GTF2H5: variants seen among roughly 807,000 people sequenced by gnomAD.
GTF2H5 encodes the protein TFB5 ortholog.
GTF2H5 carries 5 observed loss-of-function variants against 7.1 expected under a neutral mutation model. That is an observed-to-expected ratio of 0.71 (90% CI 0.37 to 1.49). The LOEUF (loss-of-function observed/expected upper bound fraction) is 1.49. GTF2H5 is among the 40% of genes most tolerant of loss of function. The pLI is 0.03. For synonymous variants in GTF2H5, 30 were observed against 31.7 expected (o/e 0.95, Z 0.18); for missense variants, 80 against 83.0 (o/e 0.96, Z 0.14).
intron 2 of GTF2H5, among the ~76,000 whole-genome samples, chr6:158,178,184 A>C (rs1554267904): frequency 6.6e-6 from 1 of 152,132 alleles, no homozygotes; most frequent in Non-Finnish European, 1.5e-5. Context: ...CCAACATTGT[A>C]AAAGCATTCC....
chr6:158,168,766 C>A (rs928193338), intron 1 of GTF2H5, among the ~76,000 whole-genome samples: 2 of 152,372 alleles, frequency 1.3e-5, no homozygotes, highest in Middle Eastern at 3.4e-3. Context: ...CCAGGAACTA[C>A]GGCTTAATCT....
chr6:158,197,317 C>A lies in GTF2H5; in HGVS notation c.*5160C>A. The A allele has an allele frequency of 5.2e-6, 1 of 192,350 alleles. No individual in the cohort carries two copies. Among genetic ancestry groups the A allele is most frequent in the Non-Finnish European group, 1.2e-5 (1 of 84,326 alleles). The allele number at this position is 192,350 out of a possible 1,614,324, so 11.9% of individuals were successfully genotyped here. A position where few individuals can be genotyped will look rare whatever the true frequency, so the allele number is the denominator to read the frequency against. Reference sequence around the variant, plus strand: ...CAGTCGTCATGCAAAATAGTCACTACTCATTCAAAAACTCTATAGTTGTCT... The same window carrying A: ...CAGTCGTCATGCAAAATAGTCACTAATCATTCAAAAACTCTATAGTTGTCT... On this transcript the variant is annotated 3_prime_UTR_variant, in exon 3 of 3. Transcript: ENST00000607778.
At chr6:158,169,751 A>AATATATTGTATATTATATATTATATATT (rs1562469429) in intron 1 of GTF2H5, among the ~76,000 whole-genome samples, 2 of 56,626 alleles carry the variant, frequency 3.5e-5, no homozygotes, top group Non-Finnish European at 6.2e-5. Flanking sequence ...TATATTATAT[A>AATATATTGTATATTATATATTATATATT]ATATATTGTA....
intron 2 of GTF2H5, among the ~76,000 whole-genome samples, chr6:158,186,216 T>C (rs1776918832): frequency 6.6e-6 from 1 of 152,216 alleles, no homozygotes; most frequent in African/African-American, 2.4e-5. Context: ...TTGAAAGCAT[T>C]GGTGTGATGA....
intron 2 of GTF2H5, among the ~76,000 whole-genome samples, chr6:158,175,024 G>GTGTGTGTGTGTGTGTGTGTGTATATA (rs1785912315): frequency 8.1e-6 from 1 of 124,058 alleles, no homozygotes; most frequent in African/African-American, 4.6e-5. Context: ...GTGTGTGTGT[G>GTGTGTGTGTGTGTGTGTGTGTATATA]TGTGTGTGTG....
chr6:158,170,588 G>C, intron 2 of GTF2H5, 50 bp downstream of exon 2: 1 of 1,238,228 alleles, frequency 8.1e-7, no homozygotes, highest in African/African-American at 1.5e-5. Flanking sequence ...ATTGAATCTT[G>C]ACTTGTATGT....
rs1777068162 is a variant in GTF2H5, at chr6:158,193,980, C to A, written c.*1823C>A. The A allele has an allele frequency of 7.6e-6, 1 of 130,844 alleles. No individual in the cohort carries two copies. 8.1% of individuals were successfully genotyped at this position (130,844 alleles called of 1,614,324 possible). A position where few individuals can be genotyped will look rare whatever the true frequency, so the allele number is the denominator to read the frequency against. ...CTCCAGCCTGGGCGACAGAGGGAGACTCCATCTCAAAAAAAAAAAAAAAAA... is the reference window on the plus strand; with the variant it reads ...CTCCAGCCTGGGCGACAGAGGGAGAATCCATCTCAAAAAAAAAAAAAAAAA... On this transcript the variant is annotated 3_prime_UTR_variant, in exon 3 of 3. Transcript: ENST00000607778.
At chr6:158,175,616 T>G (rs1003930601) in intron 2 of GTF2H5, among the ~76,000 whole-genome samples, 57 of 152,066 alleles carry the variant, frequency 3.7e-4, no homozygotes, top group Non-Finnish European at 1.3e-4. Flanking sequence ...ATACAAAAAT[T>G]AGCTGGGCAT....
At chr6:158,176,103 A>G (rs761542949) in intron 2 of GTF2H5, among the ~76,000 whole-genome samples, 1 of 152,198 alleles carries the variant, frequency 6.6e-6, no homozygotes, top group African/African-American at 2.4e-5. Flanking sequence ...CAATTAATCA[A>G]TTGCTCAGTT....
rs1777155017 is a variant in GTF2H5 at position 158,199,020 on chromosome 6, C to T, written c.*6863C>T. ...TGTTTTCTTCAGAAATTTGTTAATT[C>T]TCCATGATTAGCACCTTTATGTGGT... is the stretch of plus-strand genomic sequence containing the variant. On this transcript the variant is annotated 3_prime_UTR_variant, in exon 3 of 3. Transcript: ENST00000607778. 1 of 152,144 alleles carries T rather than the reference C, an allele frequency of 6.6e-6. No homozygotes were observed. The highest frequency in any genetic ancestry group is 2.4e-5 in the African/African-American group (1 of 41,442). 9.4% of individuals were successfully genotyped at this position (152,144 alleles called of 1,614,324 possible). A position where few individuals can be genotyped will look rare whatever the true frequency, so the allele number is the denominator to read the frequency against.
At chr6:158,169,511 A>G (rs1785751012) in intron 1 of GTF2H5, among the ~76,000 whole-genome samples, 1 of 79,672 alleles carries the variant, frequency 1.3e-5, no homozygotes, top group Non-Finnish European at 2.2e-5. Flanking sequence ...AATATATTGT[A>G]TATTATATAT....
chr6:158,169,459 A>G (rs1562468182), intron 1 of GTF2H5, among the ~76,000 whole-genome samples: 2 of 64,204 alleles, frequency 3.1e-5, no homozygotes, highest in Non-Finnish European at 5.1e-5. Context: ...TATATTATAT[A>G]TATTATATTG....
chr6:158,175,032 G>GTATATATA (rs1315754946), intron 2 of GTF2H5, among the ~76,000 whole-genome samples: 8 of 145,524 alleles, frequency 5.5e-5, no homozygotes, highest in African/African-American at 1.5e-4. Context: ...GTGTGTGTGT[G>GTATATATA]TGTGTGTGTG....
rs1348956433 is a variant in GTF2H5, at chr6:158,197,030, C to G, written c.*4873C>G. Reference sequence around the variant, plus strand: ...AGCCCAGGTCAGCTGCAGACAAAAGCAGAGCTTTCGATGGAAATGTCAAAC... The same window carrying G: ...AGCCCAGGTCAGCTGCAGACAAAAGGAGAGCTTTCGATGGAAATGTCAAAC... On this transcript the variant is annotated 3_prime_UTR_variant, in exon 3 of 3. Transcript: ENST00000607778. 2.6e-5 allele frequency: 4 copies of G among 152,250 alleles called. No homozygotes were observed. Among genetic ancestry groups the G allele is most frequent in the African/African-American group, 9.6e-5 (4 of 41,452 alleles). The allele number at this position is 152,250 out of a possible 1,614,324, so 9.4% of individuals were successfully genotyped here. A position where few individuals can be genotyped will look rare whatever the true frequency, so the allele number is the denominator to read the frequency against.
At chr6:158,168,653 G>T (rs1217767735) in intron 1 of GTF2H5, among the ~76,000 whole-genome samples, 2 of 152,238 alleles carry the variant, frequency 1.3e-5, no homozygotes, top group African/African-American at 4.8e-5. Flanking sequence ...TTAAATGGGC[G>T]TACGCTGAGT....
intron 2 of GTF2H5, among the ~76,000 whole-genome samples, chr6:158,185,839 C>CA (rs1006011818): frequency 7.9e-5 from 12 of 151,598 alleles, no homozygotes; most frequent in South Asian, 4.2e-4. Flanking sequence ...CAAAAAAATA[C>CA]AAAAAAAATC....
At position 158,175,044 on chromosome 6, in the gene GTF2H5, G is replaced by GTGTGTGTGTATGTGTGTGTGTGTGTA; in HGVS notation, c.35+4507_35+4508insGTGTGTGTATGTGTGTGTGTGTGTAT. 8.5e-4 allele frequency among the ~76,000 whole-genome samples: 122 copies of GTGTGTGTGTATGTGTGTGTGTGTGTA among 142,836 alleles called. 1 individual carries two copies. Among genetic ancestry groups the GTGTGTGTGTATGTGTGTGTGTGTGTA allele is most frequent in the African/African-American group, 3.0e-3 (114 of 37,590 alleles). 93.7% of individuals were successfully genotyped at this position (142,836 alleles called of 152,430 possible). A position where few individuals can be genotyped will look rare whatever the true frequency, so the allele number is the denominator to read the frequency against. On this transcript the variant is annotated intron_variant, in intron 2 of 2. Transcript: ENST00000607778. ...TGTGTGTGTGTGTGTGTGTGTGTGT[G>GTGTGTGTGTATGTGTGTGTGTGTGTA]TATACACACACACACACATACACAT...
chr6:158,170,541 T>A lies in GTF2H5; in HGVS notation c.35+3T>A. 1 of 1,602,164 alleles carries A rather than the reference T, an allele frequency of 6.2e-7. No individual in the cohort carries two copies. On this transcript the variant is annotated splice_donor_region_variant and intron_variant, in intron 2 of 2. Coordinates refer to ENST00000607778, the MANE Select transcript of GTF2H5 (RefSeq NM_207118.3). ...TTGAAAGGAGTGCTTATAGAATGGT[T>A]AGTAGTTTTGATACTGCATGAGTTT...
At chr6:158,190,520 G>C (rs1247974301) in intron 2 of GTF2H5, 2 of 339,110 alleles carry the variant, frequency 5.9e-6, no homozygotes, top group African/African-American at 4.4e-5. Context: ...CAGCCAATAT[G>C]ATCCTTACAG....
Sources: gnomAD v4.1 joint callset for allele counts (sites outside exome capture counted in the v4.1 genomes callset) on GRCh38, gnomAD v4.1.1 for gene constraint, MANE v1.5 for transcripts, NCBI Gene and HGNC (gene_info 2026-07-23, HGNC 2026-07-21) for gene names.